FOXP2: variants seen among roughly 807,000 people sequenced by gnomAD.
The protein encoded by FOXP2 is forkhead box P2.
A neutral mutation model predicts 115.8 loss-of-function variants in FOXP2; 12 were observed. The observed-to-expected ratio is 0.10, with a 90% CI of 0.07 to 0.17. The LOEUF is 0.17. Among genes scored for constraint, FOXP2 ranks in the 10% least tolerant of loss-of-function variants. The probability of loss-of-function intolerance (pLI) is 1.00; values close to 1 mark genes in which losing one functional copy is unlikely to be tolerated. For missense variants in FOXP2, 629 were observed against 843.5 expected, an observed-to-expected ratio of 0.75 and a Z score of 3.15; for synonymous variants, 328 against 297.7, an observed-to-expected ratio of 1.10 and a Z score of -1.05.
chr7:114,239,943 C>T (rs61088898), intron 1 of FOXP2, among the ~76,000 whole-genome samples: 14,899 of 152,022 alleles, frequency 0.098, 1,326 homozygotes, highest in African/African-American at 0.24. Context: ...ATTTGGAAAA[C>T]GATATATACT....
intron 16 of FOXP2, among the ~76,000 whole-genome samples, chr7:114,671,593 T>C (rs1197883337): frequency 1.3e-5 from 2 of 152,222 alleles, no homozygotes. Context: ...AAAAATTTCC[T>C]TTCTCTAACG....
At chr7:114,181,015 T>A (rs1208954880) in intron 1 of FOXP2, among the ~76,000 whole-genome samples, 1 of 151,972 alleles carries the variant, frequency 6.6e-6, no homozygotes, top group Non-Finnish European at 1.5e-5. Context: ...AGCTTGGCCC[T>A]GCAAAGTTTG....
At chr7:114,330,921 G>A (rs781000625) in intron 2 of FOXP2, among the ~76,000 whole-genome samples, 4 of 152,100 alleles carry the variant, frequency 2.6e-5, no homozygotes, top group Non-Finnish European at 5.9e-5. Flanking sequence ...TCCTCCTGTA[G>A]CTATGAAATA....
chr7:114,106,288 G>A (rs1270952685), intron 1 of FOXP2, among the ~76,000 whole-genome samples: 1 of 151,388 alleles, frequency 6.6e-6, no homozygotes, highest in Non-Finnish European at 1.5e-5. Context: ...GTAACTGCCA[G>A]GTAGATGCCC....
chr7:114,408,065 T>A (rs1471102354), intron 2 of FOXP2, among the ~76,000 whole-genome samples: 1 of 152,182 alleles, frequency 6.6e-6, no homozygotes, highest in African/African-American at 2.4e-5. Flanking sequence ...ACATTTTATT[T>A]GTAAAATTGA....
intron 3 of FOXP2, among the ~76,000 whole-genome samples, chr7:114,613,634 CA>C (rs1478201925): frequency 4.0e-5 from 6 of 150,048 alleles, no homozygotes; most frequent in African/African-American, 1.5e-4. Context: ...TAGATCGCAC[CA>C]CTGCACTCCA....
intron 3 of FOXP2, among the ~76,000 whole-genome samples, chr7:114,600,985 A>AT (rs1491210325): frequency 6.7e-6 from 1 of 150,070 alleles, no homozygotes; most frequent in Non-Finnish European, 1.5e-5. Context: ...ATTTTTTGAA[A>AT]CAGAGTCTCA....
intron 3 of FOXP2, among the ~76,000 whole-genome samples, chr7:114,540,429 G>A (rs1799597763): frequency 6.6e-6 from 1 of 152,004 alleles, no homozygotes. Flanking sequence ...AGATTGTGCT[G>A]AGTGGAGCAA....
chr7:114,376,300 T>A (rs1304658521), intron 2 of FOXP2, among the ~76,000 whole-genome samples: 1 of 152,184 alleles, frequency 6.6e-6, no homozygotes, highest in Non-Finnish European at 1.5e-5. Context: ...AATTAGAGAA[T>A]GGATTTTGGA....
intron 1 of FOXP2, among the ~76,000 whole-genome samples, chr7:114,228,812 CAA>C (rs1466973658): frequency 2.9e-5 from 4 of 137,054 alleles, no homozygotes; most frequent in Admixed American, 7.0e-5. Context: ...CAATGAAACA[CAA>C]AGAGAGCAAG....
intron 2 of FOXP2, among the ~76,000 whole-genome samples, chr7:114,396,861 G>T (rs924410349): frequency 6.6e-6 from 1 of 151,942 alleles, no homozygotes; most frequent in African/African-American, 2.4e-5. Context: ...AAATGATAAC[G>T]ATGTGAGGTA....
chr7:114,228,619 T>G (rs1489195574), intron 1 of FOXP2, among the ~76,000 whole-genome samples: 2 of 151,940 alleles, frequency 1.3e-5, no homozygotes, highest in African/African-American at 2.4e-5. Context: ...CCACTTCTAC[T>G]TTATTCAAAC....
intron 2 of FOXP2, among the ~76,000 whole-genome samples, chr7:114,401,412 A>T (rs2129196647): frequency 6.6e-6 from 1 of 152,152 alleles, no homozygotes; most frequent in Admixed American, 6.5e-5. Context: ...CATAAAAGTT[A>T]TCTCCTACTT....
intron 1 of FOXP2, among the ~76,000 whole-genome samples, chr7:114,114,852 A>G (rs1413310837): frequency 1.3e-5 from 2 of 152,176 alleles, no homozygotes; most frequent in Non-Finnish European, 2.9e-5. Context: ...AAATAATCCA[A>G]GACTGAAAAC....
intron 2 of FOXP2, among the ~76,000 whole-genome samples, chr7:114,432,782 T>G (rs1314763958): frequency 6.6e-6 from 1 of 151,920 alleles, no homozygotes; most frequent in South Asian, 2.1e-4. Context: ...GCCTGACATA[T>G]AGAGTTGTCG....
intron 2 of FOXP2, among the ~76,000 whole-genome samples, chr7:114,343,823 C>T (rs2129184684): frequency 6.6e-6 from 1 of 151,726 alleles, no homozygotes; most frequent in East Asian, 1.9e-4. Context: ...GTAGCCATTC[C>T]TTCCCTGGTT....
Position 114,628,599 on chromosome 7 carries a change from G to C in FOXP2, c.318G>C (p.Gln106His), listed in dbSNP as rs1563044670. 1.1e-5 allele frequency: 18 copies of C among 1,613,948 alleles called. No individual in the cohort carries two copies. The highest frequency in any genetic ancestry group is 1.5e-5 in the Non-Finnish European group (18 of 1,179,984). The change falls in exon 4 of 17, where the codon CAG becomes CAC. Residue 106 changes from glutamine (Q) to histidine (H), a missense_variant. Around this residue, in one of 9 missense-constraint regions of FOXP2, gnomAD observed 138 missense variants for 205.1 expected, o/e 0.67. Coordinates refer to ENST00000350908, the MANE Select transcript of FOXP2 (RefSeq NM_014491.4). ...TGATCACCCCTCAGCAAATGCAGCA[G>C]ATCCTTCAGCAACAAGTCCTGTCTC... ...PQVITPQQMQ[Q>H]ILQQQVLSPQ...
rs191963433 is a variant in FOXP2 at position 114,492,000 on chromosome 7, T to A, written c.169-42617T>A. Among the ~76,000 whole-genome samples the A allele has an allele frequency of 2.8e-3, 424 of 152,304 alleles. 2 individuals carry two copies. Among genetic ancestry groups the A allele is most frequent in the Non-Finnish European group, 4.1e-3 (277 of 68,028 alleles). ...CACAAGGAATGGTACCAGCTCCTCC[T>A]TATACCTCTGGTAGAATTCGGCTGT... On this transcript the variant is annotated intron_variant, in intron 2 of 16. Coordinates refer to ENST00000350908, the MANE Select transcript of FOXP2 (RefSeq NM_014491.4).
chr7:114,428,936 T>A (rs1292450150), intron 2 of FOXP2, among the ~76,000 whole-genome samples: 1 of 151,628 alleles, frequency 6.6e-6, no homozygotes, highest in East Asian at 1.9e-4. Context: ...AGAGTTAAAT[T>A]ACTTCTTATA....
Sources: allele counts gnomAD v4.1 joint callset (sites outside exome capture counted in the v4.1 genomes callset), GRCh38; gene constraint gnomAD v4.1.1; regional missense constraint gnomAD v4.1.1; transcripts MANE v1.5; gene names NCBI Gene and HGNC (gene_info 2026-07-23, HGNC 2026-07-21).